The following MKX variants were observed in gnomAD, a reference collection of about 807,000 sequenced individuals.
MKX encodes the protein mohawk homeobox.
MKX carries 13 observed loss-of-function variants against 36.0 expected under a neutral mutation model. The observed-to-expected ratio is 0.36, with a 90% confidence interval of 0.24 to 0.57. MKX has a LOEUF of 0.57. Among genes scored for constraint, MKX ranks in the 20% least tolerant of loss-of-function variants. The pLI is 0.79. For missense variants in MKX, 458 were observed against 456.4 expected (o/e 1.00, Z -0.03); for synonymous variants, 176 against 178.3 (o/e 0.99, Z 0.10).
intron 5 of MKX, among the ~76,000 whole-genome samples, chr10:27,687,484 G>A (rs537914578): frequency 6.6e-6 from 1 of 152,284 alleles, no homozygotes; most frequent in African/African-American, 2.4e-5. Context: ...GGCTCCTTAT[G>A]TTAGGGAGCT....
chr10:27,737,300 TC>T (rs1305631924), intron 3 of MKX, among the ~76,000 whole-genome samples: 2 of 152,176 alleles, frequency 1.3e-5, no homozygotes, highest in Non-Finnish European at 1.5e-5. Context: ...TCCATTCTGT[TC>T]TCTTAAATGG....
intron 5 of MKX, among the ~76,000 whole-genome samples, chr10:27,698,876 C>G (rs1432446346): frequency 6.6e-6 from 1 of 152,104 alleles, no homozygotes; most frequent in African/African-American, 2.4e-5. Context: ...GTAAATCAAT[C>G]AATCAATAAG....
At chr10:27,743,587 G>A in intron 1 of MKX, 90 bp from the exon 2 acceptor site, 1 of 708,024 alleles carries the variant, frequency 1.4e-6, no homozygotes, top group Non-Finnish European at 2.1e-6. Flanking sequence ...CGGGTCGCCG[G>A]GCTGCGGAGC....
intron 5 of MKX, among the ~76,000 whole-genome samples, chr10:27,711,377 T>C (rs1448065807): frequency 6.6e-6 from 1 of 152,134 alleles, no homozygotes; most frequent in Non-Finnish European, 1.5e-5. Flanking sequence ...TAATTGTCAC[T>C]TTTTTCTTTT....
At chr10:27,725,539 C>T (rs2132622660) in intron 5 of MKX, among the ~76,000 whole-genome samples, 1 of 151,964 alleles carries the variant, frequency 6.6e-6, no homozygotes, top group African/African-American at 2.4e-5. Context: ...AAACTCTGGA[C>T]TGGAAGAAAG....
chr10:27,711,499 T>TC lies in MKX; in HGVS notation c.838+22956_838+22957insG, dbSNP rs1554772224. On this transcript the variant is annotated intron_variant, in intron 5 of 6. Coordinates refer to ENST00000419761, the MANE Select transcript of MKX (RefSeq NM_173576.3). ...TCTTTCTTTCTCTCTCTCTCTCTTC[T>TC]TTCCTTCCTTCCTTCCTTCCTTCCT... Among the ~76,000 whole-genome samples, 353 of 92,980 alleles carry TC rather than the reference T, an allele frequency of 3.8e-3. 6 individuals are homozygous for TC. Among genetic ancestry groups the TC allele is most frequent in the African/African-American group, 0.013 (247 of 19,254 alleles). 61.0% of individuals were successfully genotyped at this position (92,980 alleles called of 152,430 possible).
intron 5 of MKX, among the ~76,000 whole-genome samples, chr10:27,683,773 A>G (rs939264362): frequency 6.6e-6 from 1 of 152,212 alleles, no homozygotes; most frequent in African/African-American, 2.4e-5. Context: ...ACAACTGAGG[A>G]TAAGAACAAG....
At chr10:27,722,944 T>C (rs1834412128) in intron 5 of MKX, among the ~76,000 whole-genome samples, 1 of 152,130 alleles carries the variant, frequency 6.6e-6, no homozygotes, top group Non-Finnish European at 1.5e-5. Context: ...GGGATTAGAA[T>C]GGAATTTAAG....
At chr10:27,738,159 C>T (rs1834819265) in intron 3 of MKX, among the ~76,000 whole-genome samples, 1 of 151,912 alleles carries the variant, frequency 6.6e-6, no homozygotes, top group African/African-American at 2.4e-5. Flanking sequence ...TGACCACCAC[C>T]CAATCTGGTA....
chr10:27,729,362 C>T (rs1044862525), intron 5 of MKX, among the ~76,000 whole-genome samples: 3 of 138,666 alleles, frequency 2.2e-5, no homozygotes, highest in Admixed American at 1.7e-4. Flanking sequence ...GGCATGATCT[C>T]GTGATCTCGG....
intron 5 of MKX, among the ~76,000 whole-genome samples, chr10:27,704,491 T>A (rs965971052): frequency 2.0e-5 from 3 of 150,690 alleles, no homozygotes; most frequent in African/African-American, 7.3e-5. Flanking sequence ...AAAAGAAAAA[T>A]TAATAGAAGA....
intron 1 of MKX, 188 bp from the exon 2 acceptor site, chr10:27,743,685 G>C (rs550763930): frequency 1.3e-5 from 6 of 476,360 alleles, no homozygotes; most frequent in East Asian, 7.8e-5. Flanking sequence ...CAGGTTCCCC[G>C]GACAGGTACC....
chr10:27,706,545 C>CTGTGTGTGTGTG (rs60800576), intron 5 of MKX, among the ~76,000 whole-genome samples: 6 of 144,984 alleles, frequency 4.1e-5, no homozygotes, highest in South Asian at 4.6e-4. Flanking sequence ...TCGTTAATTC[C>CTGTGTGTGTGTG]TGTGTGTGTG....
intron 5 of MKX, among the ~76,000 whole-genome samples, chr10:27,686,766 C>T (rs1226429483): frequency 6.6e-6 from 1 of 152,108 alleles, no homozygotes; most frequent in African/African-American, 2.4e-5. Context: ...CATGAGCCAC[C>T]GTGCCCAGCC....
chr10:27,740,186 TA>T (rs1182220878), intron 3 of MKX, among the ~76,000 whole-genome samples: 1 of 152,226 alleles, frequency 6.6e-6, no homozygotes, highest in East Asian at 1.9e-4. Flanking sequence ...CAGTAATTCC[TA>T]AAGGGAAATT....
chr10:27,744,145 G>A lies in MKX; in HGVS notation c.-82-648C>T, dbSNP rs1418188181. ...CAAGGACAGGAAAAAGTTAAGTGGC[G>A]TCAGGACGAAAGCACCACTTCTCCC... On this transcript the variant is annotated intron_variant, in intron 1 of 6. Transcript: ENST00000419761. This position sits in a 1 kb window ranked among gnomAD's most constrained non-coding sequence, Gnocchi z 5.6. Among the ~76,000 whole-genome samples the A allele has an allele frequency of 6.6e-6, 1 of 152,066 alleles. No homozygotes were observed. Among genetic ancestry groups the A allele is most frequent in the Non-Finnish European group, 1.5e-5 (1 of 68,022 alleles).
At chr10:27,698,880 CAAT>C (rs1836603940) in intron 5 of MKX, among the ~76,000 whole-genome samples, 1 of 152,064 alleles carries the variant, frequency 6.6e-6, no homozygotes, top group South Asian at 2.1e-4. Flanking sequence ...ATCAATCAAT[CAAT>C]AAGAGTTTTA....
Position 27,744,913 on chromosome 10 carries a change from T to C in MKX, c.-83+794A>G, listed in dbSNP as rs999131773. 1 of 152,266 alleles carries C rather than the reference T, an allele frequency of 6.6e-6. No individual in the cohort carries two copies. The highest frequency in any genetic ancestry group is 6.5e-5 in the Admixed American group (1 of 15,284). The allele number at this position is 152,266 out of a possible 1,614,324, so 9.4% of individuals were successfully genotyped here. A position where few individuals can be genotyped will look rare whatever the true frequency, so the allele number is the denominator to read the frequency against. The stretch of plus-strand genomic sequence containing the variant: ...GAAGTCAGACCTCTGCTGGATGTCG[T>C]GTGTCCCCTAGGACTGCGTCCTCCC... On this transcript the variant is annotated intron_variant, in intron 1 of 6. Coordinates refer to ENST00000419761, the MANE Select transcript of MKX (RefSeq NM_173576.3). This position sits in a 1 kb window ranked among gnomAD's most constrained non-coding sequence, Gnocchi z 5.6.
Position 27,674,491 on chromosome 10 carries a change from G to C in MKX, c.*738C>G, listed in dbSNP as rs1836105088. 6.6e-6 allele frequency: 1 copy of C among 152,378 alleles called. No homozygotes were observed. The highest frequency in any genetic ancestry group is 2.1e-4 in the South Asian group (1 of 4,814). The allele number at this position is 152,378 out of a possible 1,614,324, so 9.4% of individuals were successfully genotyped here. Reference sequence around the variant, plus strand: ...TTTTTTAAACTTCAGCAGAACTTGAGAAACAAATCCAGATTAATTCTAAAG... The same window carrying C: ...TTTTTTAAACTTCAGCAGAACTTGACAAACAAATCCAGATTAATTCTAAAG... On this transcript the variant is annotated 3_prime_UTR_variant, in exon 7 of 7. Transcript: ENST00000419761.
Sources: allele counts gnomAD v4.1 joint callset (sites outside exome capture counted in the v4.1 genomes callset), GRCh38; gene constraint gnomAD v4.1.1; non-coding constraint Gnocchi (gnomAD v3.1); transcripts MANE v1.5; gene names NCBI Gene and HGNC (gene_info 2026-07-23, HGNC 2026-07-21).